Variants in CACNA2D3 observed in about 807,000 individuals in gnomAD.
CACNA2D3 encodes calcium voltage-gated channel auxiliary subunit alpha2delta 3.
CACNA2D3 carries 60 observed loss-of-function variants against 160.6 expected under a neutral mutation model. That is an observed-to-expected ratio of 0.37 (90% CI 0.30 to 0.46). The LOEUF is 0.46. Ranked by LOEUF, CACNA2D3 falls within the 20% of genes least tolerant of loss-of-function variation. The pLI, the probability that CACNA2D3 is intolerant of heterozygous loss-of-function variation, is 1.00. For synonymous variants in CACNA2D3, 558 were observed against 492.9 expected, an observed-to-expected ratio of 1.13 and a Z score of -1.75; for missense variants, 1,205 against 1,365.0, an observed-to-expected ratio of 0.88 and a Z score of 1.85.
At chr3:54,200,852 T>C (rs1701164007) in intron 2 of CACNA2D3, among the ~76,000 whole-genome samples, 2 of 152,256 alleles carry the variant, frequency 1.3e-5, no homozygotes, top group Admixed American at 1.3e-4. Flanking sequence ...ACAAGTGCTT[T>C]GGAAAATAGG....
chr3:54,403,918 A>T (rs1368014120), intron 4 of CACNA2D3, among the ~76,000 whole-genome samples: 2 of 152,172 alleles, frequency 1.3e-5, no homozygotes, highest in Non-Finnish European at 2.9e-5. Flanking sequence ...TTCTAAAACC[A>T]AGGTTTTGCC....
intron 2 of CACNA2D3, among the ~76,000 whole-genome samples, chr3:54,128,273 A>G (rs772098480): frequency 4.6e-5 from 7 of 152,184 alleles, no homozygotes; most frequent in Non-Finnish European, 1.0e-4. Flanking sequence ...TATTATTTCC[A>G]GTTTTTGATG....
intron 14 of CACNA2D3, among the ~76,000 whole-genome samples, chr3:54,821,502 T>TC (rs1703589936): frequency 6.6e-6 from 1 of 152,180 alleles, no homozygotes; most frequent in African/African-American, 2.4e-5. Context: ...TTGGTCTCTT[T>TC]TTCAGAATGG....
At chr3:55,062,894 A>G (rs758738638) in intron 35 of CACNA2D3, among the ~76,000 whole-genome samples, 1 of 152,208 alleles carries the variant, frequency 6.6e-6, no homozygotes, top group Non-Finnish European at 1.5e-5. Context: ...TTTTCAGACT[A>G]TCCTTTGTGT....
intron 2 of CACNA2D3, among the ~76,000 whole-genome samples, chr3:54,161,069 C>T (rs11926147): frequency 0.26 from 40,252 of 152,020 alleles, 5,404 homozygotes; most frequent in East Asian, 0.35. Context: ...TGTGTGCTGG[C>T]AGTTGTTTAG....
intron 2 of CACNA2D3, among the ~76,000 whole-genome samples, chr3:54,273,956 G>A (rs941232256): frequency 5.3e-5 from 8 of 152,126 alleles, no homozygotes; most frequent in Non-Finnish European, 8.8e-5. Context: ...CCCAGGCCAG[G>A]TTGCATCATA....
chr3:54,252,099 A>AGTTTTTTTTTTT (rs1702200627), intron 2 of CACNA2D3, among the ~76,000 whole-genome samples: 1 of 71,566 alleles, frequency 1.4e-5, no homozygotes, highest in African/African-American at 8.2e-5. Flanking sequence ...TTGCAGAGCT[A>AGTTTTTTTTTTT]GTTTTTTTTT....
chr3:54,739,323 A>T (rs1701594045), intron 11 of CACNA2D3, among the ~76,000 whole-genome samples: 4 of 151,148 alleles, frequency 2.6e-5, no homozygotes, highest in African/African-American at 9.7e-5. Context: ...GGGAGGCCGA[A>T]GCGGGAGAAT....
chr3:54,833,002 A>T (rs1040103723), intron 14 of CACNA2D3, among the ~76,000 whole-genome samples: 2 of 152,188 alleles, frequency 1.3e-5, no homozygotes, highest in African/African-American at 2.4e-5. Context: ...ATCAAGTATT[A>T]AGGAGTAGGC....
chr3:54,986,429 C>G (rs551575085), intron 30 of CACNA2D3, among the ~76,000 whole-genome samples: 10 of 152,148 alleles, frequency 6.6e-5, no homozygotes, highest in African/African-American at 1.9e-4. Flanking sequence ...ATTACACACA[C>G]GAAATACAAA....
intron 2 of CACNA2D3, among the ~76,000 whole-genome samples, chr3:54,187,066 CCTG>C (rs561608144): frequency 9.7e-4 from 147 of 152,302 alleles, no homozygotes; most frequent in Non-Finnish European, 8.5e-4. Flanking sequence ...ATTTTGGGCT[CCTG>C]CTGCTGCTGT....
chr3:54,677,712 C>A (rs570995983), intron 11 of CACNA2D3, among the ~76,000 whole-genome samples: 2 of 151,694 alleles, frequency 1.3e-5, no homozygotes, highest in Non-Finnish European at 2.9e-5. Flanking sequence ...ACTATCTTTG[C>A]CCCAGTTGAT....
intron 4 of CACNA2D3, among the ~76,000 whole-genome samples, chr3:54,474,368 G>A (rs1700790752): frequency 6.6e-6 from 1 of 151,894 alleles, no homozygotes; most frequent in Non-Finnish European, 1.5e-5. Flanking sequence ...TGGACACAGG[G>A]AGGGGAACAT....
intron 9 of CACNA2D3, among the ~76,000 whole-genome samples, chr3:54,588,288 C>T (rs1424207422): frequency 6.6e-6 from 1 of 152,152 alleles, no homozygotes; most frequent in African/African-American, 2.4e-5. Context: ...TACAAAACTT[C>T]TCAGTGCATT....
At chr3:55,073,728 C>A in intron 36 of CACNA2D3, 49 bp from the exon 37 acceptor site, 2 of 1,495,444 alleles carry the variant, frequency 1.3e-6, no homozygotes, top group Non-Finnish European at 1.9e-6. Context: ...CTCTGAAATG[C>A]AGAGTAGAAA....
At chr3:54,290,959 A>G (rs541096010) in intron 2 of CACNA2D3, among the ~76,000 whole-genome samples, 3 of 152,344 alleles carry the variant, frequency 2.0e-5, no homozygotes, top group South Asian at 2.1e-4. Flanking sequence ...CTAATGCTAA[A>G]TGACGAGTTA....
chr3:54,935,879 T>C (rs751889730), intron 27 of CACNA2D3, among the ~76,000 whole-genome samples: 2 of 152,220 alleles, frequency 1.3e-5, no homozygotes, highest in Non-Finnish European at 2.9e-5. Context: ...AAACAGTTAG[T>C]CTTAAGCAGG....
intron 13 of CACNA2D3, among the ~76,000 whole-genome samples, chr3:54,798,628 T>TCATA (rs1239710769): frequency 6.6e-6 from 1 of 152,182 alleles, no homozygotes. Context: ...CCCACGTAAT[T>TCATA]GGTAAATAGA....
intron 9 of CACNA2D3, chr3:54,626,663 A>G (rs1456477272): frequency 2.7e-5 from 22 of 821,792 alleles, no homozygotes; most frequent in East Asian, 1.0e-4. Flanking sequence ...CTCAGCTAAT[A>G]AAGGCGCACA....
Sources: allele counts gnomAD v4.1 joint callset (sites outside exome capture counted in the v4.1 genomes callset), GRCh38; gene constraint gnomAD v4.1.1; transcripts MANE v1.5; gene names NCBI Gene and HGNC (gene_info 2026-07-23, HGNC 2026-07-21).